The following PDE1A variants were observed in gnomAD, a reference collection of about 807,000 sequenced individuals.
The protein encoded by PDE1A is dual specificity calcium/calmodulin-dependent 3',5'-cyclic nucleotide phosphodiesterase 1A.
A neutral mutation model predicts 61.7 loss-of-function variants in PDE1A; 35 were observed. The observed-to-expected ratio is 0.57, with a 90% CI of 0.43 to 0.75. The LOEUF (loss-of-function observed/expected upper bound fraction) is 0.75, where lower values mean the gene tolerates loss of function less well. PDE1A is among the 30% of genes least tolerant of loss of function. PDE1A has a pLI of 0.00. For missense variants in PDE1A, 597 were observed against 630.6 expected, an observed-to-expected ratio of 0.95 and a Z score of 0.57; for synonymous variants, 232 against 213.2, an observed-to-expected ratio of 1.09 and a Z score of -0.77.
upstream of PDE1A, among the ~76,000 whole-genome samples, chr2:182,527,438 G>T (rs1414728597): frequency 7.0e-6 from 1 of 142,794 alleles, no homozygotes; most frequent in African/African-American, 2.6e-5. Flanking sequence ...TGTGCCTGTA[G>T]TCCCTGCTAC....
chr2:182,714,069 T>C, the PDE1A span, among the ~76,000 whole-genome samples: 1 of 152,242 alleles, frequency 6.6e-6, no homozygotes, highest in Admixed American at 6.5e-5. Context: ...TCTCTGATCA[T>C]CTCTTTTTTA....
chr2:182,658,062 AAAAAAAAAAAC>A, the PDE1A span, among the ~76,000 whole-genome samples: 487 of 114,976 alleles, frequency 4.2e-3, 4 homozygotes, highest in African/African-American at 0.014. Context: ...AAAAAAAAAA[AAAAAAAAAAAC>A]AAAAAAACTT....
intron 1 of PDE1A, among the ~76,000 whole-genome samples, chr2:182,376,082 G>C (rs1320114687): frequency 6.6e-6 from 1 of 152,178 alleles, no homozygotes; most frequent in Non-Finnish European, 1.5e-5. Context: ...AGGGACTGCT[G>C]CAAAGATCTT....
At chr2:182,554,132 C>T in the PDE1A span, among the ~76,000 whole-genome samples, 5 of 152,172 alleles carry the variant, frequency 3.3e-5, no homozygotes, top group African/African-American at 1.2e-4. Flanking sequence ...AGATGAGACA[C>T]GAGGGCCTGA....
At chr2:182,540,366 G>GAA in the PDE1A span, among the ~76,000 whole-genome samples, 574 of 108,380 alleles carry the variant, frequency 5.3e-3, 27 homozygotes, top group Middle Eastern at 0.013. Flanking sequence ...CTGTCTCAAA[G>GAA]AAAAAAAAAA....
At chr2:182,190,864 G>A (rs1349869096) in intron 10 of PDE1A, among the ~76,000 whole-genome samples, 1 of 151,982 alleles carries the variant, frequency 6.6e-6, no homozygotes, top group East Asian at 1.9e-4. Flanking sequence ...GCTGAGGCAG[G>A]GGAATCACTT....
chr2:182,246,159 C>G (rs1463186862), intron 2 of PDE1A, among the ~76,000 whole-genome samples: 1 of 152,134 alleles, frequency 6.6e-6, no homozygotes, highest in Non-Finnish European at 1.5e-5. Context: ...AACCAGTTCC[C>G]CTTTATTCAT....
intron 2 of PDE1A, among the ~76,000 whole-genome samples, chr2:182,433,542 A>T (rs1314330175): frequency 6.6e-6 from 1 of 152,106 alleles, no homozygotes; most frequent in African/African-American, 2.4e-5. Flanking sequence ...TGGTGTGAAC[A>T]AAGTCTGGCT....
intron 1 of PDE1A, among the ~76,000 whole-genome samples, chr2:182,270,453 T>C (rs1335320781): frequency 6.6e-6 from 1 of 152,202 alleles, no homozygotes; most frequent in East Asian, 1.9e-4. Context: ...TAAGTAACAA[T>C]GTTCTCATAT....
chr2:182,529,982 G>A, the PDE1A span, among the ~76,000 whole-genome samples: 1 of 152,152 alleles, frequency 6.6e-6, no homozygotes, highest in Non-Finnish European at 1.5e-5. Context: ...TTTCAGAAGT[G>A]TAAAATAGAT....
intron 2 of PDE1A, among the ~76,000 whole-genome samples, chr2:182,493,282 T>C (rs952433798): frequency 5.3e-5 from 8 of 150,186 alleles, no homozygotes; most frequent in African/African-American, 1.7e-4. Flanking sequence ...GTTAGGCTGG[T>C]CTTTTTTTAT....
the PDE1A span, among the ~76,000 whole-genome samples, chr2:182,533,568 T>C: frequency 6.6e-6 from 1 of 152,204 alleles, no homozygotes; most frequent in East Asian, 1.9e-4. Context: ...TGTTTAAAGT[T>C]GAAAAATCAA....
chr2:182,325,560 C>T (rs1402273936), intron 1 of PDE1A, among the ~76,000 whole-genome samples: 1 of 152,034 alleles, frequency 6.6e-6, no homozygotes, highest in Non-Finnish European at 1.5e-5. Context: ...ATTTGTAAAT[C>T]ACATGTTTAA....
intron 10 of PDE1A, 148 bp downstream of exon 10, chr2:182,201,291 A>G (rs1315318327): frequency 2.3e-6 from 2 of 860,182 alleles, no homozygotes; most frequent in Admixed American, 2.4e-5. Flanking sequence ...CTGATAGACT[A>G]ATAAATTTTG....
At chr2:182,439,994 A>G (rs1201986154) in intron 2 of PDE1A, among the ~76,000 whole-genome samples, 2 of 152,092 alleles carry the variant, frequency 1.3e-5, no homozygotes, top group African/African-American at 4.8e-5. Context: ...AAGTTGCCCT[A>G]ATTGTGTCTT....
intron 13 of PDE1A, among the ~76,000 whole-genome samples, chr2:182,180,191 T>C (rs1055854976): frequency 1.3e-5 from 2 of 152,206 alleles, no homozygotes; most frequent in Non-Finnish European, 2.9e-5. Context: ...TAGCTTATCA[T>C]TGTTTCATTT....
chr2:182,180,088 G>A (rs1291328275), intron 13 of PDE1A, among the ~76,000 whole-genome samples: 2 of 152,150 alleles, frequency 1.3e-5, no homozygotes, highest in Non-Finnish European at 2.9e-5. Context: ...CAGCGTATAA[G>A]ACTAGAAGTG....
the PDE1A span, among the ~76,000 whole-genome samples, chr2:182,574,329 C>T: frequency 3.9e-4 from 60 of 152,260 alleles, no homozygotes; most frequent in East Asian, 0.012. Flanking sequence ...AGGGTCGATG[C>T]TTTACATCCT....
chr2:182,564,790 C>G, the PDE1A span, among the ~76,000 whole-genome samples: 1 of 152,274 alleles, frequency 6.6e-6, no homozygotes, highest in African/African-American at 2.4e-5. Context: ...CTTCTCGCTT[C>G]ATTTCACTCA....
Sources: gnomAD v4.1 joint callset for allele counts (sites outside exome capture counted in the v4.1 genomes callset) on GRCh38, gnomAD v4.1.1 for gene constraint, MANE v1.5 for transcripts, NCBI Gene and HGNC (gene_info 2026-07-23, HGNC 2026-07-21) for gene names.